The following CC2D2A variants were observed in gnomAD, a reference collection of about 807,000 sequenced individuals.
CC2D2A encodes the protein coiled-coil and C2 domain containing 2A.
CC2D2A carries 155 observed loss-of-function variants against 212.9 expected under a neutral mutation model. The ratio of observed to expected loss-of-function variants is 0.73; its 90% CI spans 0.64 to 0.83. The LOEUF is 0.83. CC2D2A is among the 40% of genes least tolerant of loss of function. CC2D2A has a pLI of 0.00. For missense variants in CC2D2A, 1,856 were observed against 1,956.2 expected (o/e 0.95, Z 0.97); for synonymous variants, 667 against 686.5 (o/e 0.97, Z 0.44).
In CC2D2A at chr4:15,536,953, A is replaced by G. The variant is rs1196850649; in HGVS notation, c.1641A>G (p.Ala547=). 9.3e-6 allele frequency: 15 copies of G among 1,613,932 alleles called. No individual in the cohort carries two copies. The highest frequency in any genetic ancestry group is 1.3e-5 in the Non-Finnish European group (15 of 1,179,814). ...CTGACCAGAAAGCAGATGAAGAAGC[A>G]TATGAAGCAGAAATTCAAGCTGAAA... ...EKADQKADEE[A]YEAEIQAEIS... is the part of the protein sequence containing the mutation. The change falls in exon 15 of 37, where the codon GCA becomes GCG. Residue 547 remains alanine, a synonymous_variant. Transcript: ENST00000424120.
intron 36 of CC2D2A, among the ~76,000 whole-genome samples, chr4:15,600,914 AAAAAAAAG>A (rs1286187870): frequency 1.4e-5 from 1 of 70,464 alleles, no homozygotes; most frequent in African/African-American, 4.6e-5. Context: ...AAAAAAAAAA[AAAAAAAAG>A]AAAAAAGAAA....
Position 15,559,182 on chromosome 4 carries a change from AC to A in CC2D2A, c.2848del (p.Arg950GlufsTer5). The A allele has an allele frequency of 1.9e-6, 3 of 1,550,478 alleles. No homozygotes were observed. The highest frequency in any genetic ancestry group is 2.6e-6 in the Non-Finnish European group (3 of 1,146,590). On this transcript the variant is annotated frameshift_variant, in exon 22 of 37. Coordinates refer to ENST00000424120, the MANE Select transcript of CC2D2A (RefSeq NM_001378615.1). LOFTEE classifies it high-confidence loss of function. ...AATTTTAGGACTATGAGAAACGGTT[AC>A]GAGACAGAAATGTAATAGAAACCAA... ...KVFQDYEKRL[R>X]DRNVIETKEH...
intron 11 of CC2D2A, among the ~76,000 whole-genome samples, chr4:15,522,573 A>C (rs1220688863): frequency 6.6e-6 from 1 of 151,994 alleles, no homozygotes; most frequent in Non-Finnish European, 1.5e-5. Flanking sequence ...TCTGTTCCTA[A>C]TATTGTCTCA....
intron 31 of CC2D2A, 105 bp downstream of exon 31, chr4:15,586,351 A>G (rs1339331965): frequency 1.5e-6 from 1 of 653,002 alleles, no homozygotes; most frequent in Non-Finnish European, 2.5e-6. Context: ...AGCCATAAAA[A>G]TCTAATTGGC....
At position 15,599,700 on chromosome 4, in the gene CC2D2A, C is replaced by A; in HGVS notation, c.4668C>A (p.Asp1556Glu). Residue 1556 changes from aspartate (D) to glutamate (E), a missense_variant, in exon 36 of 37, where the codon GAC (aspartate) becomes GAA (glutamate). Transcript: ENST00000424120. ...CAGAACTGCTAAAACAGCTGGGAGA[C>A]TACAGGGTAAGTTACAAATGGATCC... ...HRAELLKQLG[D>E]YRFSGFPLHM... 2 of 1,602,480 alleles carry A rather than the reference C, an allele frequency of 1.2e-6. No homozygotes were observed. Among genetic ancestry groups the A allele is most frequent in the East Asian group, 2.2e-5 (1 of 44,658 alleles).
chr4:15,581,550 G>T (rs1720665083), intron 30 of CC2D2A, among the ~76,000 whole-genome samples: 1 of 152,178 alleles, frequency 6.6e-6, no homozygotes, highest in Non-Finnish European at 1.5e-5. Flanking sequence ...CAGCCTGGAA[G>T]ACTGAATTAG....
chr4:15,502,346 G>A (rs1411029857), intron 4 of CC2D2A, 83 bp from the exon 5 acceptor site: 3 of 1,057,584 alleles, frequency 2.8e-6, no homozygotes, highest in African/African-American at 3.3e-5. Context: ...TTTGGGGGGA[G>A]GGAATTGTTT....
chr4:15,549,936 A>G (rs1718911474), intron 17 of CC2D2A, among the ~76,000 whole-genome samples: 1 of 152,258 alleles, frequency 6.6e-6, no homozygotes, highest in African/African-American at 2.4e-5. Flanking sequence ...GAAGAAAAAT[A>G]TAAAGATTAA....
At chr4:15,490,612 T>C (rs1282230568) in intron 4 of CC2D2A, among the ~76,000 whole-genome samples, 3 of 152,200 alleles carry the variant, frequency 2.0e-5, no homozygotes, top group African/African-American at 7.2e-5. Context: ...TGTGAACACT[T>C]GCAAAATGTC....
chr4:15,527,016 A>G (rs969833987), intron 11 of CC2D2A, among the ~76,000 whole-genome samples: 1 of 152,146 alleles, frequency 6.6e-6, no homozygotes, highest in Non-Finnish European at 1.5e-5. Context: ...CCTTCTCCAC[A>G]TGTTTTAAAA....
intron 29 of CC2D2A, among the ~76,000 whole-genome samples, chr4:15,578,759 G>T (rs1720515414): frequency 6.6e-6 from 1 of 151,996 alleles, no homozygotes; most frequent in South Asian, 2.1e-4. Context: ...CCAAGTAGCT[G>T]GGACTACAAG....
In CC2D2A at chr4:15,511,235, G is replaced by A. The variant is rs1057084685; in HGVS notation, c.541-12G>A. The A allele has an allele frequency of 6.3e-7, 1 of 1,589,048 alleles. No individual in the cohort carries two copies. Among genetic ancestry groups the A allele is most frequent in the African/African-American group, 1.4e-5 (1 of 74,056 alleles). On this transcript the variant is annotated splice_polypyrimidine_tract_variant and intron_variant, in intron 7 of 36. Coordinates refer to ENST00000424120, the MANE Select transcript of CC2D2A (RefSeq NM_001378615.1). Reference sequence around the variant, plus strand: ...AAATGGGAAATTGCGATTGCTCCTTGCTTTTCGTTAGGTTCCACCTGGCTT... The same window carrying A: ...AAATGGGAAATTGCGATTGCTCCTTACTTTTCGTTAGGTTCCACCTGGCTT...
intron 2 of CC2D2A, among the ~76,000 whole-genome samples, chr4:15,478,152 G>A (rs1212333744): frequency 6.6e-6 from 1 of 152,228 alleles, no homozygotes; most frequent in African/African-American, 2.4e-5. Flanking sequence ...AAGGTGGAAA[G>A]AGGAAACGAA....
chr4:15,481,766 A>G (rs1333117815), intron 4 of CC2D2A: 4 of 982,504 alleles, frequency 4.1e-6, no homozygotes, highest in African/African-American at 1.7e-5. Flanking sequence ...CTAACAATAC[A>G]TAAGTTAGGG....
intron 4 of CC2D2A, among the ~76,000 whole-genome samples, chr4:15,490,414 C>A (rs367976645): frequency 1.9e-4 from 29 of 152,176 alleles, no homozygotes; most frequent in African/African-American, 6.8e-4. Flanking sequence ...TTGCACCTGA[C>A]CTCTTTCACT....
chr4:15,537,294 C>T (rs1042046601), intron 15 of CC2D2A, among the ~76,000 whole-genome samples: 1 of 152,220 alleles, frequency 6.6e-6, no homozygotes. Context: ...ATACCAGAGC[C>T]AGCTGTGTCC....
chr4:15,487,864 C>T (rs893610886), intron 4 of CC2D2A, among the ~76,000 whole-genome samples: 5 of 149,500 alleles, frequency 3.3e-5, no homozygotes, highest in African/African-American at 1.2e-4. Context: ...CATCTTATAA[C>T]CAGTTATTTT....
intron 29 of CC2D2A, 72 bp downstream of exon 29, chr4:15,574,398 T>C (rs1278182316): frequency 5.8e-6 from 7 of 1,207,532 alleles, no homozygotes; most frequent in Non-Finnish European, 7.9e-6. Context: ...GGCTATACTT[T>C]TATGAACTTT....
chr4:15,524,651 C>G (rs984945871), intron 11 of CC2D2A, among the ~76,000 whole-genome samples: 4 of 151,594 alleles, frequency 2.6e-5, no homozygotes, highest in Admixed American at 6.6e-5. Context: ...CGGGGTTTCA[C>G]CGTGTTAGCC....
Sources: allele counts gnomAD v4.1 joint callset (sites outside exome capture counted in the v4.1 genomes callset), GRCh38; gene constraint gnomAD v4.1.1; transcripts MANE v1.5; gene names NCBI Gene and HGNC (gene_info 2026-07-23, HGNC 2026-07-21).